Variants in SLC10A7 observed in about 807,000 individuals in gnomAD.
The protein encoded by SLC10A7 is sodium/bile acid cotransporter 7.
SLC10A7 carries 29 observed loss-of-function variants against 43.2 expected under a neutral mutation model. The observed-to-expected ratio is 0.67, with a 90% CI of 0.50 to 0.92. The LOEUF (loss-of-function observed/expected upper bound fraction) is 0.92. Ranked by LOEUF, SLC10A7 falls within the 40% of genes least tolerant of loss-of-function variation. SLC10A7 has a pLI of 0.00. For missense variants in SLC10A7, 295 were observed against 403.2 expected (o/e 0.73, Z 2.30); for synonymous variants, 152 against 144.8 (o/e 1.05, Z -0.35).
At chr4:146,491,560 G>A (rs1394581649) in intron 4 of SLC10A7, among the ~76,000 whole-genome samples, 1 of 151,860 alleles carries the variant, frequency 6.6e-6, no homozygotes, top group South Asian at 2.1e-4. Flanking sequence ...GGGGAAAAAA[G>A]GCGAGGGAAA....
intron 9 of SLC10A7, among the ~76,000 whole-genome samples, chr4:146,284,185 T>C (rs1347353480): frequency 6.6e-6 from 1 of 152,234 alleles, no homozygotes; most frequent in African/African-American, 2.4e-5. Context: ...TTTGACTATA[T>C]AGAGTCTATT....
intron 5 of SLC10A7, among the ~76,000 whole-genome samples, chr4:146,331,957 C>T (rs1166556360): frequency 1.3e-5 from 2 of 152,054 alleles, no homozygotes; most frequent in African/African-American, 4.8e-5. Context: ...GGTATATAGT[C>T]TCCAAAGAAT....
At chr4:146,407,099 T>C (rs1727770521) in intron 5 of SLC10A7, among the ~76,000 whole-genome samples, 1 of 152,192 alleles carries the variant, frequency 6.6e-6, no homozygotes. Flanking sequence ...TCACTTTATC[T>C]TTTCAGAGTC....
chr4:146,366,987 A>T (rs1234661532), intron 5 of SLC10A7, among the ~76,000 whole-genome samples: 1 of 151,936 alleles, frequency 6.6e-6, no homozygotes, highest in African/African-American at 2.4e-5. Context: ...CCAAGCAATA[A>T]GCAAGTTTTT....
intron 5 of SLC10A7, among the ~76,000 whole-genome samples, chr4:146,364,584 T>C (rs548970419): frequency 5.9e-5 from 9 of 152,164 alleles, no homozygotes; most frequent in Non-Finnish European, 1.0e-4. Context: ...AAAAATTGAA[T>C]TCATGGAGAT....
chr4:146,418,079 T>G (rs1359304404), intron 5 of SLC10A7, among the ~76,000 whole-genome samples: 3 of 151,994 alleles, frequency 2.0e-5, no homozygotes, highest in Non-Finnish European at 4.4e-5. Context: ...GAAAAGAGAT[T>G]GAGACCCCAC....
intron 4 of SLC10A7, among the ~76,000 whole-genome samples, chr4:146,473,079 G>A (rs1733714608): frequency 6.6e-6 from 1 of 152,154 alleles, no homozygotes; most frequent in South Asian, 2.1e-4. Flanking sequence ...ATAAAAGTGA[G>A]GGTACTCCTA....
At chr4:146,368,786 G>GA (rs937108477) in intron 5 of SLC10A7, among the ~76,000 whole-genome samples, 42 of 151,938 alleles carry the variant, frequency 2.8e-4, no homozygotes, top group Admixed American at 6.6e-4. Context: ...AATAACCTGG[G>GA]AAAAAAATGA....
intron 5 of SLC10A7, among the ~76,000 whole-genome samples, chr4:146,401,107 A>C (rs533194257): frequency 1.3e-5 from 2 of 152,330 alleles, no homozygotes; most frequent in South Asian, 4.1e-4. Context: ...ATCAGAGAGG[A>C]GCATCAGCTG....
At chr4:146,375,756 G>A (rs577646111) in intron 5 of SLC10A7, among the ~76,000 whole-genome samples, 2 of 152,264 alleles carry the variant, frequency 1.3e-5, no homozygotes, top group South Asian at 4.1e-4. Context: ...TGTTAGGGTT[G>A]TTTCCTCACA....
At chr4:146,286,324 T>C (rs111738244) in intron 9 of SLC10A7, among the ~76,000 whole-genome samples, 11 of 142,010 alleles carry the variant, frequency 7.7e-5, no homozygotes, top group South Asian at 5.1e-4. Context: ...AGGACTGTGT[T>C]TGGAGTGGTG....
intron 5 of SLC10A7, among the ~76,000 whole-genome samples, chr4:146,363,634 A>G (rs1280175075): frequency 6.6e-6 from 1 of 152,174 alleles, no homozygotes; most frequent in African/African-American, 2.4e-5. Context: ...ATTTAAAAAA[A>G]TGAAATCATA....
At chr4:146,356,574 GACAC>G (rs34496192) in intron 5 of SLC10A7, among the ~76,000 whole-genome samples, 4 of 150,258 alleles carry the variant, frequency 2.7e-5, no homozygotes, top group African/African-American at 7.4e-5. Flanking sequence ...ACAACAGACA[GACAC>G]ACACACACAC....
chr4:146,337,881 T>G (rs1733999649), intron 5 of SLC10A7, among the ~76,000 whole-genome samples: 1 of 151,862 alleles, frequency 6.6e-6, no homozygotes, highest in Non-Finnish European at 1.5e-5. Flanking sequence ...TGTAGAAAAT[T>G]AATGTAAAAT....
chr4:146,487,268 C>G (rs1451445700), intron 4 of SLC10A7, among the ~76,000 whole-genome samples: 1 of 152,204 alleles, frequency 6.6e-6, no homozygotes. Context: ...AGAGACTTCT[C>G]TGCCCTCTCC....
intron 5 of SLC10A7, among the ~76,000 whole-genome samples, chr4:146,355,254 A>G (rs928747406): frequency 1.3e-5 from 2 of 152,206 alleles, no homozygotes; most frequent in African/African-American, 4.8e-5. Flanking sequence ...TTCTCAAAAG[A>G]AGACATTTAT....
At chr4:146,321,884 G>A (rs1021202273) in intron 6 of SLC10A7, among the ~76,000 whole-genome samples, 16 of 152,126 alleles carry the variant, frequency 1.1e-4, no homozygotes, top group African/African-American at 3.9e-4. Flanking sequence ...TAAAATGCAT[G>A]ACAACCTAAA....
chr4:146,447,560 C>T (rs1242261828), intron 4 of SLC10A7, among the ~76,000 whole-genome samples: 1 of 152,040 alleles, frequency 6.6e-6, no homozygotes, highest in Admixed American at 6.5e-5. Context: ...CTTGTGCTAA[C>T]TGAATGTCCT....
chr4:146,401,943 T>A (rs975443654), intron 5 of SLC10A7, among the ~76,000 whole-genome samples: 7 of 152,190 alleles, frequency 4.6e-5, no homozygotes, highest in Non-Finnish European at 8.8e-5. Context: ...TAATTAGGTA[T>A]TAAATCTGTT....
Sources: allele counts gnomAD v4.1 joint callset (sites outside exome capture counted in the v4.1 genomes callset), GRCh38; gene constraint gnomAD v4.1.1; transcripts MANE v1.5; gene names NCBI Gene and HGNC (gene_info 2026-07-23, HGNC 2026-07-21).